The following ACSM2A variants were observed in gnomAD, a reference collection of about 807,000 sequenced individuals.
ACSM2A encodes the protein acyl-coenzyme A synthetase ACSM2A, mitochondrial.
In ACSM2A, 72 loss-of-function variants were observed where a neutral mutation model predicts 76.6. That is an observed-to-expected ratio of 0.94 (90% CI 0.78 to 1.14). The LOEUF is 1.14. ACSM2A is among the 50% of genes most tolerant of loss of function. ACSM2A has a pLI of 0.00. For missense variants in ACSM2A, 684 were observed against 708.5 expected (o/e 0.97, Z 0.39); for synonymous variants, 249 against 255.9 (o/e 0.97, Z 0.26).
intron 1 of ACSM2A, among the ~76,000 whole-genome samples, chr16:20,455,068 A>G (rs1369827024): frequency 2.2e-5 from 3 of 133,392 alleles, no homozygotes; most frequent in Non-Finnish European, 4.7e-5. Flanking sequence ...TGAAGACAAG[A>G]TTTTGACTTA....
Position 20,481,027 on chromosome 16 carries a change from A to G in ACSM2A, c.1509+106A>G, listed in dbSNP as rs1204108018. 6 of 1,336,580 alleles carry G rather than the reference A, an allele frequency of 4.5e-6. No individual in the cohort carries two copies. The South Asian group carries it at 7.0e-5, about 16-fold the overall frequency. The allele number at this position is 1,336,580 out of a possible 1,614,324, so 82.8% of individuals were successfully genotyped here. On this transcript the variant is annotated intron_variant, in intron 12 of 13. Coordinates refer to ENST00000573854, the MANE Select transcript of ACSM2A (RefSeq NM_001308172.2). ...GTGGGGCTGAACACTCTGAGACCCA[A>G]TCTTGGCCCTGCCACTTACTAGCTA...
intron 1 of ACSM2A, among the ~76,000 whole-genome samples, chr16:20,452,835 G>T (rs1300033600): frequency 1.3e-5 from 2 of 151,548 alleles, no homozygotes; most frequent in Non-Finnish European, 2.9e-5. Context: ...ACTGTTTAAA[G>T]AGTTATACAA....
chr16:20,486,494 C>T (rs2014388739), intron 13 of ACSM2A, 80 bp from the exon 14 acceptor site: 3 of 1,510,778 alleles, frequency 2.0e-6, no homozygotes, highest in Admixed American at 3.4e-5. Context: ...AGAACTTCCC[C>T]TCACCCTACA....
At position 20,478,576 on chromosome 16, in the gene ACSM2A, A is replaced by C. The variant is rs200201528; in HGVS notation, c.1180A>C (p.Ile394Leu). 9.3e-6 allele frequency: 15 copies of C among 1,613,308 alleles called. No individual in the cohort carries two copies. The East Asian group carries it at 3.1e-4, about 34-fold the overall frequency. Reference protein sequence around the residue: ...GTAASCYDVQIIDDKGNVLPP... With the variant: ...GTAASCYDVQLIDDKGNVLPP... ...TCTTCCAATCTGCTTCTTTCTCCAG[A>C]TCATAGATGATAAGGGCAACGTCCT... is the stretch of plus-strand genomic sequence containing the variant. Residue 394 changes from isoleucine to leucine, a missense_variant and splice_region_variant, in exon 10 of 14, where the codon ATC becomes CTC. Physicochemically the swap from Ile to Leu is conservative, Grantham distance 5 (BLOSUM62 2). Transcript: ENST00000573854.
At chr16:20,457,004 CA>C (rs750146451) in intron 1 of ACSM2A, among the ~76,000 whole-genome samples, 3 of 151,232 alleles carry the variant, frequency 2.0e-5, no homozygotes, top group Admixed American at 6.6e-5. Context: ...TACAAAAGAT[CA>C]TTCAAGGCAC....
chr16:20,467,720 A>C (rs2013098475), intron 3 of ACSM2A, among the ~76,000 whole-genome samples: 1 of 152,166 alleles, frequency 6.6e-6, no homozygotes, highest in South Asian at 2.1e-4. Flanking sequence ...TCACAAGTTC[A>C]ATTTGGGCAT....
In ACSM2A at chr16:20,480,927, G is replaced by A. The variant is rs765154887; in HGVS notation, c.1509+6G>A. On this transcript the variant is annotated splice_donor_region_variant and intron_variant, in intron 12 of 13. Coordinates refer to ENST00000573854, the MANE Select transcript of ACSM2A (RefSeq NM_001308172.2). Reference sequence around the variant, plus strand: ...CAGACCCCGTCCGAGGAGAGGTGATGGGGAAGCAGTAGCCTGGGGGTGAAC... The same window carrying A: ...CAGACCCCGTCCGAGGAGAGGTGATAGGGAAGCAGTAGCCTGGGGGTGAAC... The A allele has an allele frequency of 2.5e-6, 4 of 1,613,854 alleles. No homozygotes were observed. The highest frequency in any genetic ancestry group is 3.4e-6 in the Non-Finnish European group (4 of 1,179,852).
At chr16:20,465,435 C>T in intron 2 of ACSM2A, 82 bp from the exon 3 acceptor site, 1 of 1,541,540 alleles carries the variant, frequency 6.5e-7, no homozygotes, top group South Asian at 1.2e-5. Flanking sequence ...TAAGCACCAA[C>T]TTGGCAATCC....
Position 20,469,599 on chromosome 16 carries a change from C to T in ACSM2A, c.476C>T (p.Ala159Val), listed in dbSNP as rs1475876746. 1.9e-6 allele frequency: 3 copies of T among 1,613,900 alleles called. No individual in the cohort carries two copies. The highest frequency in any genetic ancestry group is 2.5e-6 in the Non-Finnish European group (3 of 1,179,836). The change falls in exon 4 of 14, where the codon GCT (alanine) becomes GTT (valine). Residue 159 changes from alanine to valine, a missense_variant. Ala to Val is a moderately conservative substitution (Grantham distance 64, BLOSUM62 0). Around this residue, in one of 3 missense-constraint regions of ACSM2A, gnomAD observed 519 missense variants for 549.5 expected, o/e 0.94. Transcript: ENST00000573854. ...LQMSKAKAIV[A>V]GDEVIQEVDT... is the part of the protein sequence containing the mutation. ...ATGTCTAAGGCCAAGGCTATTGTTG[C>T]TGGGGATGAAGTCATCCAAGAAGTG...
intron 1 of ACSM2A, among the ~76,000 whole-genome samples, chr16:20,459,439 T>G (rs1337230222): frequency 6.6e-6 from 1 of 152,208 alleles, no homozygotes; most frequent in Non-Finnish European, 1.5e-5. Flanking sequence ...ACAAACACCC[T>G]ATACATCTTA....
intron 1 of ACSM2A, among the ~76,000 whole-genome samples, chr16:20,455,707 C>T (rs888063726): frequency 6.8e-6 from 1 of 145,992 alleles, no homozygotes; most frequent in African/African-American, 2.7e-5. Flanking sequence ...AAGCATAAAC[C>T]TCACATGACC....
intron 2 of ACSM2A, among the ~76,000 whole-genome samples, 153 bp from the exon 3 acceptor site, chr16:20,465,364 G>T (rs77888654): frequency 6.6e-6 from 1 of 151,890 alleles, no homozygotes; most frequent in Non-Finnish European, 1.5e-5. Context: ...TAAATAACAA[G>T]TCTTTAGAAT....
In ACSM2A at chr16:20,486,910, T is replaced by C. The variant is rs1336309887; in HGVS notation, c.*232T>C. 1 of 435,802 alleles carries C rather than the reference T, an allele frequency of 2.3e-6. No homozygotes were observed. Among genetic ancestry groups the C allele is most frequent in the East Asian group, 3.8e-5 (1 of 26,602 alleles). 27.0% of individuals were successfully genotyped at this position (435,802 alleles called of 1,614,324 possible). A position where few individuals can be genotyped will look rare whatever the true frequency, so the allele number is the denominator to read the frequency against. ...GTAACAGAAAAAAAGGAAAGAAAAG[T>C]AAGTCAGGGAAATATTAAAACTGCA... On this transcript the variant is annotated 3_prime_UTR_variant, in exon 14 of 14. Transcript: ENST00000573854.
chr16:20,478,413 G>C (rs762915790), intron 9 of ACSM2A, among the ~76,000 whole-genome samples, 163 bp from the exon 10 acceptor site: 11 of 152,200 alleles, frequency 7.2e-5, no homozygotes, highest in Non-Finnish European at 1.3e-4. Context: ...ATAGATCAGA[G>C]ATCTGAGTTT....
chr16:20,478,750 A>C, intron 10 of ACSM2A, 73 bp downstream of exon 10: 1 of 1,491,164 alleles, frequency 6.7e-7, no homozygotes, highest in Admixed American at 1.9e-5. Context: ...GGGAGGACAA[A>C]TGTTCTGAAA....
chr16:20,474,283 G>T (rs1436057890), intron 6 of ACSM2A: 1 of 218,812 alleles, frequency 4.6e-6, no homozygotes, highest in East Asian at 1.6e-4. Flanking sequence ...GTAGTAAGCG[G>T]TGGGGCATTT....
intron 12 of ACSM2A, 113 bp downstream of exon 12, chr16:20,481,034 C>T: frequency 7.8e-7 from 1 of 1,284,842 alleles, no homozygotes; most frequent in Non-Finnish European, 1.1e-6. Context: ...CCAATCTTGG[C>T]CCTGCCACTT....
chr16:20,475,549 G>A (rs1671113137), intron 7 of ACSM2A, 101 bp from the exon 8 acceptor site: 3 of 1,604,492 alleles, frequency 1.9e-6, no homozygotes, highest in Non-Finnish European at 2.6e-6. Context: ...AGAGCCCCAT[G>A]AAGCCATTTG....
chr16:20,468,037 A>G (rs1487242175), intron 3 of ACSM2A, among the ~76,000 whole-genome samples: 1 of 152,110 alleles, frequency 6.6e-6, no homozygotes, highest in Non-Finnish European at 1.5e-5. Context: ...GCAGCCAGGA[A>G]TTAGAAACTA....
Sources: allele counts gnomAD v4.1 joint callset (sites outside exome capture counted in the v4.1 genomes callset), GRCh38; gene constraint gnomAD v4.1.1; regional missense constraint gnomAD v4.1.1; transcripts MANE v1.5; gene names NCBI Gene and HGNC (gene_info 2026-07-23, HGNC 2026-07-21).